DNAJB2: variants seen among roughly 807,000 people sequenced by gnomAD.
The protein encoded by DNAJB2 is DnaJ heat shock protein family (Hsp40) member B2, also known as dnaJ homolog subfamily B member 2.
A neutral mutation model predicts 33.3 loss-of-function variants in DNAJB2; 19 were observed. The ratio of observed to expected loss-of-function variants is 0.57; its 90% CI spans 0.40 to 0.84. The LOEUF is 0.84. Ranked by LOEUF, DNAJB2 falls within the 40% of genes least tolerant of loss-of-function variation. The pLI is 0.00. For missense variants in DNAJB2, 368 were observed against 430.9 expected (o/e 0.85, Z 1.29); for synonymous variants, 172 against 164.6 (o/e 1.04, Z -0.34).
At chr2:219,283,980 A>T (rs1951930234) in intron 8 of DNAJB2, among the ~76,000 whole-genome samples, 1 of 152,206 alleles carries the variant, frequency 6.6e-6, no homozygotes, top group African/African-American at 2.4e-5. Flanking sequence ...GGCCGTCACC[A>T]CAGCTAACCT....
chr2:219,284,357 A>G (rs1361826031), intron 8 of DNAJB2, among the ~76,000 whole-genome samples: 1 of 152,200 alleles, frequency 6.6e-6, no homozygotes, highest in Non-Finnish European at 1.5e-5. Context: ...TTGGGATTAC[A>G]GGCATGAGCC....
intron 7 of DNAJB2, 65 bp from the exon 8 acceptor site, chr2:219,283,354 A>G (rs1951924382): frequency 1.9e-6 from 3 of 1,608,206 alleles, no homozygotes; most frequent in Non-Finnish European, 2.6e-6. Flanking sequence ...CGGTGGCCAG[A>G]ACTGGGACCA....
chr2:219,284,991 C>T lies in DNAJB2; in HGVS notation c.*4C>T, dbSNP rs1951942145. On this transcript the variant is annotated 3_prime_UTR_variant, in exon 9 of 9. Coordinates refer to ENST00000336576, the MANE Select transcript of DNAJB2 (RefSeq NM_006736.6). ...CTCTCGCTGCCTCATCCTCTGAACA[C>T]CGGGCCCAACCTGATCTGATCCAGA... is the stretch of plus-strand genomic sequence containing the variant. The T allele has an allele frequency of 6.7e-7, 1 of 1,487,592 alleles. No homozygotes were observed. Among genetic ancestry groups the T allele is most frequent in the Non-Finnish European group, 9.0e-7 (1 of 1,114,458 alleles). The allele number at this position is 1,487,592 out of a possible 1,614,324, so 92.1% of individuals were successfully genotyped here.
At chr2:219,283,600 T>C in intron 8 of DNAJB2, 111 bp downstream of exon 8, 2 of 1,125,512 alleles carry the variant, frequency 1.8e-6, no homozygotes, top group South Asian at 3.2e-5. Context: ...TGGGAGGGAG[T>C]GGCAACAGGC....
Position 219,279,952 on chromosome 2 carries a change from A to G in DNAJB2, c.65+54A>G. ...CTCTCACCCTCCACCCGCCACCACCATGGGGCACTTCAGAGTGACACCTGT... is the reference window on the plus strand; with the variant it reads ...CTCTCACCCTCCACCCGCCACCACCGTGGGGCACTTCAGAGTGACACCTGT... On this transcript the variant is annotated intron_variant, in intron 2 of 8. Transcript: ENST00000336576. The surrounding 1 kb of genome is among the most constrained non-coding windows in gnomAD (Gnocchi z 4.9). 1.3e-6 allele frequency: 2 copies of G among 1,597,864 alleles called. No homozygotes were observed. Among genetic ancestry groups the G allele is most frequent in the Non-Finnish European group, 1.7e-6 (2 of 1,167,298 alleles).
In DNAJB2 at chr2:219,279,726, C is replaced by CG; in HGVS notation, c.-36-68dup. ...CCAACTGGGAGCGCCTTCCGCCACC[C>CG]GGGGAGGGGGACTGCTGCAGCCACA... On this transcript the variant is annotated intron_variant, in intron 1 of 8. Coordinates refer to ENST00000336576, the MANE Select transcript of DNAJB2 (RefSeq NM_006736.6). This position sits in a 1 kb window ranked among gnomAD's most constrained non-coding sequence, Gnocchi z 4.9. The CG allele has an allele frequency of 2.3e-6, 3 of 1,305,780 alleles. No homozygotes were observed. Among genetic ancestry groups the CG allele is most frequent in the Non-Finnish European group, 3.2e-6 (3 of 938,932 alleles). 80.9% of individuals were successfully genotyped at this position (1,305,780 alleles called of 1,614,324 possible). A position where few individuals can be genotyped will look rare whatever the true frequency, so the allele number is the denominator to read the frequency against.
intron 3 of DNAJB2, 197 bp downstream of exon 3, chr2:219,280,884 T>A (rs1002239162): frequency 5.2e-6 from 3 of 577,862 alleles, no homozygotes; most frequent in Non-Finnish European, 9.2e-6. Flanking sequence ...GCATGAGACC[T>A]GAAAGGGGAA....
rs751515788 is a variant in DNAJB2, at chr2:219,280,575, C to T, written c.66-3C>T. 1.2e-6 allele frequency: 2 copies of T among 1,612,328 alleles called. No homozygotes were observed. Among genetic ancestry groups the T allele is most frequent in the Admixed American group, 3.3e-5 (2 of 59,944 alleles). ...CTCTCTCCTCTGCACCCACTTTCTG[C>T]AGGTATCGGCGCAAGGCTCTCCAGT... On this transcript the variant is annotated splice_polypyrimidine_tract_variant and splice_region_variant and intron_variant, in intron 2 of 8. Coordinates refer to ENST00000336576, the MANE Select transcript of DNAJB2 (RefSeq NM_006736.6).
chr2:219,281,751 G>C lies in DNAJB2; in HGVS notation c.209G>C (p.Arg70Pro). The change falls in exon 4 of 9, where the codon CGG becomes CCG. Residue 70 changes from arginine to proline, a missense_variant. Arg to Pro is a moderately radical substitution (Grantham distance 103). Transcript: ENST00000336576. ...HKREIYDRYG[R>P]EGLTGTGTGP... ...CGGGAGATTTACGACCGCTATGGCC[G>C]GGAAGGGCTGACAGGGACAGGTAGG... 1.2e-6 allele frequency: 2 copies of C among 1,614,082 alleles called. No homozygotes were observed. The highest frequency in any genetic ancestry group is 1.7e-6 in the Non-Finnish European group (2 of 1,180,040).
At chr2:219,280,285 G>T in intron 2 of DNAJB2, 1 of 531,534 alleles carries the variant, frequency 1.9e-6, no homozygotes, top group Non-Finnish European at 3.4e-6. Flanking sequence ...TGTACTCTTC[G>T]AGGCCACATG....
At chr2:219,283,067 G>T in intron 6 of DNAJB2, 66 bp from the exon 7 acceptor site, 1 of 1,599,032 alleles carries the variant, frequency 6.3e-7, no homozygotes, top group Non-Finnish European at 8.6e-7. Flanking sequence ...GAGCCTCGGT[G>T]ACCACAACAG....
chr2:219,285,623 G>A lies in DNAJB2; in HGVS notation c.*636G>A, dbSNP rs1057455052. ...TTCCCCGAGAAGGCCTCAATGTGGC[G>A]AGGAAGATGCTGGGGCCGGTAGGGC... On this transcript the variant is annotated 3_prime_UTR_variant, in exon 9 of 9. Coordinates refer to ENST00000336576, the MANE Select transcript of DNAJB2 (RefSeq NM_006736.6). 10 of 1,099,940 alleles carry A rather than the reference G, an allele frequency of 9.1e-6. No individual in the cohort carries two copies. The highest frequency in any genetic ancestry group is 4.8e-5 in the Admixed American group (1 of 20,990). 68.1% of individuals were successfully genotyped at this position (1,099,940 alleles called of 1,614,324 possible).
Position 219,280,503 on chromosome 2 carries a change from C to G in DNAJB2, c.66-75C>G. ...GGACAGTGATAGGCTAATGGGAAAA[C>G]AGGTCGTTCGGTTCCTGGGTGGGAA... On this transcript the variant is annotated intron_variant, in intron 2 of 8. Transcript: ENST00000336576. The G allele has an allele frequency of 3.3e-6, 4 of 1,198,532 alleles. No individual in the cohort carries two copies. In the South Asian group the frequency reaches 5.2e-5, roughly 16 times the overall value. The allele number at this position is 1,198,532 out of a possible 1,614,324, so 74.2% of individuals were successfully genotyped here. A position where few individuals can be genotyped will look rare whatever the true frequency, so the allele number is the denominator to read the frequency against.
chr2:219,280,525 G>A (rs1951894513), intron 2 of DNAJB2, 53 bp from the exon 3 acceptor site: 1 of 1,443,286 alleles, frequency 6.9e-7, no homozygotes, highest in Non-Finnish European at 9.7e-7. Context: ...TTCCTGGGTG[G>A]GAAGTGCCTG....
At chr2:219,281,030 G>T in intron 3 of DNAJB2, 1 of 280,306 alleles carries the variant, frequency 3.6e-6, no homozygotes, top group Non-Finnish European at 6.8e-6. Flanking sequence ...GGAAACTGAG[G>T]CTGAGAGAGG....
chr2:219,284,164 C>T (rs1022489111), intron 8 of DNAJB2, among the ~76,000 whole-genome samples: 16 of 152,280 alleles, frequency 1.1e-4, no homozygotes, highest in Admixed American at 5.9e-4. Flanking sequence ...ACTACAGCCT[C>T]GACCTCCTCG....
rs576205050 is a variant in DNAJB2 at position 219,281,954 on chromosome 2, G to T, written c.245G>T (p.Arg82Leu). The T allele has an allele frequency of 6.2e-7, 1 of 1,614,138 alleles. No homozygotes were observed. The change falls in exon 5 of 9, where the codon CGG becomes CTG. Residue 82 changes from arginine to leucine, a missense_variant. By Grantham distance (102) the Arg-to-Leu change is moderately radical. Coordinates refer to ENST00000336576, the MANE Select transcript of DNAJB2 (RefSeq NM_006736.6). ...GLTGTGTGPS[R>L]AEAGSGGPGF... ...GCCTTTCCAGGAACTGGCCCATCTC[G>T]GGCAGAAGCTGGCAGTGGTGGGCCT...
Position 219,284,718 on chromosome 2 carries a change from G to A in DNAJB2, c.706G>A (p.Val236Ile). Residue 236 changes from valine (V) to isoleucine (I), a missense_variant, in exon 9 of 9, where the codon GTC (valine) becomes ATC (isoleucine). Physicochemically the swap from Val to Ile is conservative, Grantham distance 29. Coordinates refer to ENST00000336576, the MANE Select transcript of DNAJB2 (RefSeq NM_006736.6). ...SVTSRSGGTQVQQTPASCPLD... is the reference protein window; with the variant it reads ...SVTSRSGGTQIQQTPASCPLD... The stretch of plus-strand genomic sequence containing the variant: ...CACTTCCAGGTCTGGGGGCACTCAG[G>A]TCCAGCAGACCCCTGCCTCATGCCC... 1 of 1,613,186 alleles carries A rather than the reference G, an allele frequency of 6.2e-7. No homozygotes were observed.
Position 219,286,139 on chromosome 2 carries a change from T to TGGGGG in DNAJB2, c.*1155_*1156insGGGGG. 1 of 53,250 alleles carries TGGGGG rather than the reference T, an allele frequency of 1.9e-5. No individual in the cohort carries two copies. Among genetic ancestry groups the TGGGGG allele is most frequent in the South Asian group, 2.4e-4 (1 of 4,244 alleles). 3.3% of individuals were successfully genotyped at this position (53,250 alleles called of 1,614,324 possible). A position where few individuals can be genotyped will look rare whatever the true frequency, so the allele number is the denominator to read the frequency against. On this transcript the variant is annotated 3_prime_UTR_variant, in exon 9 of 9. Transcript: ENST00000336576. ...GCCTGGGTGGCGGGTGGGGGCCGGG[T>TGGGGG]GGGAGGTGGCAGTAGTCTTAGCCTG...
Sources: allele counts gnomAD v4.1 joint callset (sites outside exome capture counted in the v4.1 genomes callset), GRCh38; gene constraint gnomAD v4.1.1; non-coding constraint Gnocchi (gnomAD v3.1); transcripts MANE v1.5; gene names NCBI Gene and HGNC (gene_info 2026-07-23, HGNC 2026-07-21).